PRKCQ: variants seen among roughly 807,000 people sequenced by gnomAD.
PRKCQ encodes the protein protein kinase C theta type.
In PRKCQ, 41 loss-of-function variants were observed where a neutral mutation model predicts 91.2. The observed-to-expected ratio is 0.45, with a 90% confidence interval of 0.35 to 0.58. The LOEUF (loss-of-function observed/expected upper bound fraction) is 0.58. Ranked by LOEUF, PRKCQ falls within the 20% of genes least tolerant of loss-of-function variation. PRKCQ has a pLI of 0.00. For synonymous variants in PRKCQ, 307 were observed against 316.9 expected (o/e 0.97, Z 0.33); for missense variants, 673 against 896.5 (o/e 0.75, Z 3.18).
At chr10:6,550,489 G>T (rs1468294045) in intron 1 of PRKCQ, among the ~76,000 whole-genome samples, 2 of 152,212 alleles carry the variant, frequency 1.3e-5, no homozygotes, top group African/African-American at 4.8e-5. Flanking sequence ...GGCCAGGCTG[G>T]TCTCAAACTC....
chr10:6,460,781 T>G (rs1209030771), intron 14 of PRKCQ, among the ~76,000 whole-genome samples: 1 of 151,554 alleles, frequency 6.6e-6, no homozygotes, highest in African/African-American at 2.4e-5. Context: ...TGTGAGCCAC[T>G]GTGCCCAGCC....
chr10:6,559,884 G>A (rs143543449), intron 1 of PRKCQ, among the ~76,000 whole-genome samples: 89 of 152,170 alleles, frequency 5.8e-4, no homozygotes, highest in Non-Finnish European at 9.1e-4. Context: ...GGGCACATGT[G>A]GTATTTCGTT....
At position 6,459,854 on chromosome 10, in the gene PRKCQ, T is replaced by C. The variant is rs1835227684; in HGVS notation, c.1508+2449A>G. Among the ~76,000 whole-genome samples the C allele has an allele frequency of 3.3e-5, 5 of 152,358 alleles. No individual in the cohort carries two copies. In the South Asian group the frequency reaches 1.0e-3, roughly 32 times the overall value. On this transcript the variant is annotated intron_variant, in intron 14 of 17. Transcript: ENST00000263125. ...AGCCACCAAATTTGGGGTAATTTCT[T>C]ATGGCAGCCCTTCAAAACTAATGTA...
chr10:6,527,164 G>A (rs1458882439), intron 1 of PRKCQ, among the ~76,000 whole-genome samples: 3 of 152,296 alleles, frequency 2.0e-5, no homozygotes, highest in Non-Finnish European at 2.9e-5. Context: ...GAGATATGGA[G>A]AATACAGTTG....
chr10:6,470,618 A>G (rs12269156), intron 12 of PRKCQ, among the ~76,000 whole-genome samples: 5,047 of 152,208 alleles, frequency 0.033, 237 homozygotes, highest in African/African-American at 0.1. Flanking sequence ...TTTAAGGGGG[A>G]GAGACAAGGA....
downstream of PRKCQ, among the ~76,000 whole-genome samples, chr10:6,422,241 T>C (rs895266460): frequency 2.0e-5 from 3 of 152,196 alleles, no homozygotes; most frequent in African/African-American, 7.2e-5. Context: ...ATAGATGGCG[T>C]TATTCACTTC....
chr10:6,494,263 C>G (rs1837470968), intron 7 of PRKCQ, among the ~76,000 whole-genome samples: 1 of 152,184 alleles, frequency 6.6e-6, no homozygotes, highest in Non-Finnish European at 1.5e-5. Context: ...TCCACCAGAG[C>G]TCAGGCCCTC....
At chr10:6,414,473 G>A in the PRKCQ span, among the ~76,000 whole-genome samples, 3 of 151,872 alleles carry the variant, frequency 2.0e-5, no homozygotes, top group Admixed American at 1.3e-4. Context: ...AGGAGGGGAC[G>A]AATCAACAAA....
the PRKCQ span, among the ~76,000 whole-genome samples, chr10:6,399,038 G>A: frequency 6.6e-6 from 1 of 152,194 alleles, no homozygotes; most frequent in South Asian, 2.1e-4. Flanking sequence ...TGAGATTACA[G>A]GCATATCAAT....
intron 11 of PRKCQ, among the ~76,000 whole-genome samples, chr10:6,479,901 G>A (rs1324982472): frequency 1.3e-5 from 2 of 151,782 alleles, no homozygotes; most frequent in African/African-American, 4.8e-5. Context: ...GTGGTGAACT[G>A]AGATCATGCC....
chr10:6,473,490 A>G (rs1353570439), intron 12 of PRKCQ, among the ~76,000 whole-genome samples: 1 of 152,256 alleles, frequency 6.6e-6, no homozygotes, highest in African/African-American at 2.4e-5. Flanking sequence ...AGTGATCCCC[A>G]GTTTCTGAAA....
Position 6,486,152 on chromosome 10 carries a change from G to A in PRKCQ, c.791-8C>T, listed in dbSNP as rs544008447. 29 of 1,611,202 alleles carry A rather than the reference G, an allele frequency of 1.8e-5. No individual in the cohort carries two copies. The highest frequency in any genetic ancestry group is 2.4e-5 in the Non-Finnish European group (28 of 1,177,424). On this transcript the variant is annotated splice_polypyrimidine_tract_variant and splice_region_variant and intron_variant, in intron 8 of 17. Coordinates refer to ENST00000263125, the MANE Select transcript of PRKCQ (RefSeq NM_006257.5). Reference sequence around the variant, plus strand: ...GCACATTCATGCCACATGCTGGAAGGAAGAAGGCAGATAGTGAGCAAGAGT... The same window carrying A: ...GCACATTCATGCCACATGCTGGAAGAAAGAAGGCAGATAGTGAGCAAGAGT...
At chr10:6,532,814 A>C (rs1346249632) in intron 1 of PRKCQ, among the ~76,000 whole-genome samples, 1 of 152,240 alleles carries the variant, frequency 6.6e-6, no homozygotes, top group East Asian at 1.9e-4. Context: ...AGAGGCTGCT[A>C]AATCTAAGAG....
intron 12 of PRKCQ, 88 bp from the exon 13 acceptor site, chr10:6,464,492 C>T (rs1319117131): frequency 6.1e-6 from 7 of 1,152,192 alleles, no homozygotes; most frequent in Non-Finnish European, 7.6e-6. Context: ...CTCTGTCTCC[C>T]AGGCTGGAGT....
chr10:6,464,691 G>A (rs185732425), intron 12 of PRKCQ, among the ~76,000 whole-genome samples: 5 of 152,106 alleles, frequency 3.3e-5, no homozygotes, highest in African/African-American at 7.2e-5. Flanking sequence ...CAGGTGATCC[G>A]CCCACCTTGG....
intron 10 of PRKCQ, among the ~76,000 whole-genome samples, 186 bp from the exon 11 acceptor site, chr10:6,483,786 C>A (rs1836747739): frequency 6.6e-6 from 1 of 152,194 alleles, no homozygotes; most frequent in African/African-American, 2.4e-5. Flanking sequence ...GAGGGCAGCA[C>A]CCCCTGTCTG....
chr10:6,476,539 C>G, intron 12 of PRKCQ, among the ~76,000 whole-genome samples: 1 of 152,272 alleles, frequency 6.6e-6, no homozygotes, highest in Admixed American at 6.5e-5. Flanking sequence ...TATATTCTCA[C>G]TTATGATTTC....
At chr10:6,426,966 C>G (rs1419851136), downstream of PRKCQ, among the ~76,000 whole-genome samples, 1 of 152,162 alleles carries the variant, frequency 6.6e-6, no homozygotes, top group African/African-American at 2.4e-5. Flanking sequence ...GAACTCCTGA[C>G]CTTAGGTGAT....
chr10:6,403,581 T>G, the PRKCQ span, among the ~76,000 whole-genome samples: 10 of 152,268 alleles, frequency 6.6e-5, no homozygotes, highest in African/African-American at 2.4e-4. Context: ...AAACAAAGCT[T>G]CTCCCCATGC....
Sources: gnomAD v4.1 joint callset for allele counts (sites outside exome capture counted in the v4.1 genomes callset) on GRCh38, gnomAD v4.1.1 for gene constraint, MANE v1.5 for transcripts, NCBI Gene and HGNC (gene_info 2026-07-23, HGNC 2026-07-21) for gene names.